The following ZGLP1 variants were observed in gnomAD, a reference collection of about 807,000 sequenced individuals.
ZGLP1 encodes the protein GATA-type zinc finger protein 1.
ZGLP1 carries 11 observed loss-of-function variants against 21.4 expected under a neutral mutation model. That is an observed-to-expected ratio of 0.51 (90% CI 0.32 to 0.85). The LOEUF (loss-of-function observed/expected upper bound fraction) is 0.85. Among genes scored for constraint, ZGLP1 ranks in the 40% least tolerant of loss-of-function variants. The probability of loss-of-function intolerance (pLI) is 0.03; values close to 1 mark genes in which losing one functional copy is unlikely to be tolerated. For missense variants in ZGLP1, 295 were observed against 355.6 expected (o/e 0.83, Z 1.37); for synonymous variants, 148 against 145.0 (o/e 1.02, Z -0.15).
chr19:10,305,842 T>G lies in ZGLP1; in HGVS notation c.604+4A>C, dbSNP rs1470968124. 6.4e-7 allele frequency: 1 copy of G among 1,551,926 alleles called. No individual in the cohort carries two copies. The highest frequency in any genetic ancestry group is 2.4e-5 in the East Asian group (1 of 41,274). On this transcript the variant is annotated splice_donor_region_variant and intron_variant, in intron 2 of 3. Coordinates refer to ENST00000403903, the Ensembl canonical transcript of ZGLP1. This position sits in a 1 kb window ranked among gnomAD's most constrained non-coding sequence, Gnocchi z 4.7. Reference sequence around the variant, plus strand: ...TTTATAGCTCTTGGGTTTTCAGGACTCACCCAGGGCCTCGCTGCCTGCTGA... The same window carrying G: ...TTTATAGCTCTTGGGTTTTCAGGACGCACCCAGGGCCTCGCTGCCTGCTGA...
chr19:10,305,914 T>C lies in ZGLP1; in HGVS notation c.536A>G (p.Asp179Gly), dbSNP rs1350590580. The stretch of plus-strand genomic sequence containing the variant: ...GTGGGCTGCAGGGCCCCCAACAGCA[T>C]CTGCAGGGGATTCCTGAGAACGGCT... Residue 179 changes from aspartate to glycine, a missense_variant, in exon 2 of 4, where the codon GAT becomes GGT. Asp to Gly is a moderately conservative substitution (Grantham distance 94, BLOSUM62 -1). Coordinates refer to ENST00000403903, the Ensembl canonical transcript of ZGLP1. This position sits in a 1 kb window ranked among gnomAD's most constrained non-coding sequence, Gnocchi z 4.7. 1 of 1,565,420 alleles carries C rather than the reference T, an allele frequency of 6.4e-7. No homozygotes were observed. Among genetic ancestry groups the C allele is most frequent in the East Asian group, 2.3e-5 (1 of 42,732 alleles).
chr19:10,305,559 A>G lies in ZGLP1; in HGVS notation c.605-76T>C, dbSNP rs2040274488. 1 of 1,320,380 alleles carries G rather than the reference A, an allele frequency of 7.6e-7. No homozygotes were observed. The highest frequency in any genetic ancestry group is 1.1e-6 in the Non-Finnish European group (1 of 938,950). The allele number at this position is 1,320,380 out of a possible 1,614,324, so 81.8% of individuals were successfully genotyped here. A position where few individuals can be genotyped will look rare whatever the true frequency, so the allele number is the denominator to read the frequency against. Reference sequence around the variant, plus strand: ...TCGGGATGCCTGTGCGGAGTCGGGCATTTTGTGGGGGTCTCAGTAAAGGCC... The same window carrying G: ...TCGGGATGCCTGTGCGGAGTCGGGCGTTTTGTGGGGGTCTCAGTAAAGGCC... On this transcript the variant is annotated intron_variant, in intron 2 of 3. Transcript: ENST00000403903. This position sits in a 1 kb window ranked among gnomAD's most constrained non-coding sequence, Gnocchi z 4.7.
Position 10,308,173 on chromosome 19 carries a change from G to T in ZGLP1, c.497+12C>A. On this transcript the variant is annotated intron_variant, in intron 1 of 3. Coordinates refer to ENST00000403903, the Ensembl canonical transcript of ZGLP1. ...TGGGAGAAAGGGCGGCCTGGCCCCA[G>T]CCGGCCCCTACCTGTACGTGGGGAT... is the stretch of plus-strand genomic sequence containing the variant. The T allele has an allele frequency of 6.6e-7, 1 of 1,517,444 alleles. No homozygotes were observed. The highest frequency in any genetic ancestry group is 2.2e-5 in the Admixed American group (1 of 44,922). 94.0% of individuals were successfully genotyped at this position (1,517,444 alleles called of 1,614,324 possible). A position where few individuals can be genotyped will look rare whatever the true frequency, so the allele number is the denominator to read the frequency against.
chr19:10,305,610 G>A lies in ZGLP1; in HGVS notation c.605-127C>T. 1.2e-6 allele frequency: 1 copy of A among 862,626 alleles called. No individual in the cohort carries two copies. Among genetic ancestry groups the A allele is most frequent in the Non-Finnish European group, 1.8e-6 (1 of 543,874 alleles). 53.4% of individuals were successfully genotyped at this position (862,626 alleles called of 1,614,324 possible). A position where few individuals can be genotyped will look rare whatever the true frequency, so the allele number is the denominator to read the frequency against. ...CCACCTAGCTCTGGATCAGCCCTGG[G>A]AGTTGCCAGCTCTAAGCCACAGCAA... On this transcript the variant is annotated intron_variant, in intron 2 of 3. Transcript: ENST00000403903. This position sits in a 1 kb window ranked among gnomAD's most constrained non-coding sequence, Gnocchi z 4.7.
rs910586248 is a variant in ZGLP1 at position 10,305,683 on chromosome 19, G to A, written c.604+163C>T. 9.7e-5 allele frequency: 72 copies of A among 739,008 alleles called. No individual in the cohort carries two copies. The African/African-American group carries it at 1.2e-3, about 12-fold the overall frequency. 45.8% of individuals were successfully genotyped at this position (739,008 alleles called of 1,614,324 possible). On this transcript the variant is annotated intron_variant, in intron 2 of 3. Coordinates refer to ENST00000403903, the Ensembl canonical transcript of ZGLP1. This position sits in a 1 kb window ranked among gnomAD's most constrained non-coding sequence, Gnocchi z 4.7. ...CAGCATTCCGCAGAGGAGGAAGCTG[G>A]GGGTGGGGGTGACTCAGCCCAAGTG...
At chr19:10,307,346 CTT>C (rs543276157) in intron 1 of ZGLP1, among the ~76,000 whole-genome samples, 2,300 of 122,956 alleles carry the variant, frequency 0.019, 57 homozygotes, top group African/African-American at 0.061. Flanking sequence ...CTTCCCAAAG[CTT>C]TTTTTTTTTT....
chr19:10,308,508 G>A, exon 1 of ZGLP1: 1 of 1,609,620 alleles, frequency 6.2e-7, no homozygotes, highest in South Asian at 1.1e-5. Flanking sequence ...CTTGGAGGAA[G>A]CACAGGGCGG....
rs1468178317 is a variant in ZGLP1, at chr19:10,305,985, G to T, written c.498-33C>A. 4 of 1,466,008 alleles carry T rather than the reference G, an allele frequency of 2.7e-6. No individual in the cohort carries two copies. The highest frequency in any genetic ancestry group is 3.7e-6 in the Non-Finnish European group (4 of 1,074,836). 90.8% of individuals were successfully genotyped at this position (1,466,008 alleles called of 1,614,324 possible). On this transcript the variant is annotated intron_variant, in intron 1 of 3. Coordinates refer to ENST00000403903, the Ensembl canonical transcript of ZGLP1. The surrounding 1 kb of genome is among the most constrained non-coding windows in gnomAD (Gnocchi z 4.7). ...GCAGACAAGGTATTAGCACTGGGGGGGATCTGTAGCTTGTCCCCAACAGCC... is the reference window on the plus strand; with the variant it reads ...GCAGACAAGGTATTAGCACTGGGGGTGATCTGTAGCTTGTCCCCAACAGCC...
At chr19:10,308,323 G>A (rs1242569500) in exon 1 of ZGLP1, 5 of 1,611,028 alleles carry the variant, frequency 3.1e-6, no homozygotes, top group African/African-American at 1.3e-5. Flanking sequence ...GGGTGGGGCC[G>A]AGGGAGTCCC....
At chr19:10,304,844 T>C in exon 4 of ZGLP1, 1 of 554,354 alleles carries the variant, frequency 1.8e-6, no homozygotes, top group Non-Finnish European at 3.2e-6. Context: ...GCTGTAACAA[T>C]GCTCATCCTT....
chr19:10,306,004 A>G, intron 1 of ZGLP1, 52 bp from the exon 3 acceptor site: 4 of 1,316,638 alleles, frequency 3.0e-6, no homozygotes, highest in Non-Finnish European at 4.2e-6. Context: ...GCTTGTCCCC[A>G]ACAGCCCTCC....
At position 10,305,852 on chromosome 19, in the gene ZGLP1, C is replaced by T; in HGVS notation, c.598G>A (p.Ala200Thr). ...TTGGGTTTTCAGGACTCACCCAGGG[C>T]CTCGCTGCCTGCTGAGTGGGCCTCG... Residue 200 changes from alanine to threonine, a missense_variant, in exon 2 of 4, where the codon GCC (alanine) becomes ACC (threonine). Physicochemically the swap from Ala to Thr is moderately conservative, Grantham distance 58. This residue lies in a region of ZGLP1 where 252 missense variants were observed against 264.0 expected (regional missense o/e 0.95). Coordinates refer to ENST00000403903, the Ensembl canonical transcript of ZGLP1. This position sits in a 1 kb window ranked among gnomAD's most constrained non-coding sequence, Gnocchi z 4.7. 5 of 1,553,832 alleles carry T rather than the reference C, an allele frequency of 3.2e-6. No homozygotes were observed. The highest frequency in any genetic ancestry group is 4.4e-6 in the Non-Finnish European group (5 of 1,147,804).
exon 4 of ZGLP1, chr19:10,304,888 G>C (rs1029755232): frequency 5.1e-6 from 3 of 584,378 alleles, no homozygotes; most frequent in Non-Finnish European, 6.1e-6. Flanking sequence ...CCTCGGCCAA[G>C]GCTGACTGGA....
intron 1 of ZGLP1, 100 bp downstream of exon 2, chr19:10,308,085 G>A (rs977184069): frequency 3.8e-5 from 56 of 1,463,706 alleles, no homozygotes; most frequent in Admixed American, 6.8e-5. Flanking sequence ...TAGAGCACAG[G>A]TGAGGGTCCA....
chr19:10,306,174 G>A (rs1389315091), intron 1 of ZGLP1, among the ~76,000 whole-genome samples: 1 of 151,800 alleles, frequency 6.6e-6, no homozygotes, highest in Non-Finnish European at 1.5e-5. Flanking sequence ...GTGTAGTGGT[G>A]TCATCTCAGC....
At chr19:10,308,345 G>T in exon 1 of ZGLP1, 2 of 1,609,080 alleles carry the variant, frequency 1.2e-6, no homozygotes, top group Non-Finnish European at 1.7e-6. Context: ...GGGGGCTGCA[G>T]ACGGCGGCCC....
In ZGLP1 at chr19:10,305,446, G is replaced by T. The variant is rs2040273811; in HGVS notation, c.642C>A (p.Thr214=). ...CATCTTCAGCGTCTCTCCAGAGCGG[G>T]GTCCTCTGGGTCCGACAGGAAGCAC... Residue 214 remains threonine (T), a synonymous_variant, in exon 3 of 4, where the codon ACC becomes ACA. Coordinates refer to ENST00000403903, the Ensembl canonical transcript of ZGLP1. The surrounding 1 kb of genome is among the most constrained non-coding windows in gnomAD (Gnocchi z 4.7). 3 of 1,599,788 alleles carry T rather than the reference G, an allele frequency of 1.9e-6. No individual in the cohort carries two copies. Among genetic ancestry groups the T allele is most frequent in the East Asian group, 2.3e-5 (1 of 44,398 alleles).
Position 10,305,286 on chromosome 19 carries a change from C to G in ZGLP1, c.699-78G>C. The G allele has an allele frequency of 6.4e-7, 1 of 1,567,442 alleles. No homozygotes were observed. Among genetic ancestry groups the G allele is most frequent in the South Asian group, 1.1e-5 (1 of 89,062 alleles). On this transcript the variant is annotated intron_variant, in intron 3 of 3. Coordinates refer to ENST00000403903, the Ensembl canonical transcript of ZGLP1. This position sits in a 1 kb window ranked among gnomAD's most constrained non-coding sequence, Gnocchi z 4.7. ...ACCGCCACAAGGAAACCACTTTTCCCAAGAGGTAGGTGTTTTGCTTTTTGC... is the reference window on the plus strand; with the variant it reads ...ACCGCCACAAGGAAACCACTTTTCCGAAGAGGTAGGTGTTTTGCTTTTTGC...
chr19:10,307,061 G>A (rs1488538795), intron 1 of ZGLP1, among the ~76,000 whole-genome samples: 1 of 151,434 alleles, frequency 6.6e-6, no homozygotes, highest in Non-Finnish European at 1.5e-5. Context: ...TTGAATCCGG[G>A]AGGCAGAGGT....
Sources: allele counts gnomAD v4.1 joint callset (sites outside exome capture counted in the v4.1 genomes callset), GRCh38; gene constraint gnomAD v4.1.1; regional missense constraint gnomAD v4.1.1; non-coding constraint Gnocchi (gnomAD v3.1); transcripts MANE v1.5; gene names NCBI Gene and HGNC (gene_info 2026-07-23, HGNC 2026-07-21).